Variants in INPP5F observed in about 807,000 individuals in gnomAD.
The protein encoded by INPP5F is inositol polyphosphate-5-phosphatase F.
INPP5F carries 97 observed loss-of-function variants against 137.2 expected under a neutral mutation model. That is an observed-to-expected ratio of 0.71 (90% CI 0.60 to 0.84). The LOEUF (loss-of-function observed/expected upper bound fraction) is 0.84. Ranked by LOEUF, INPP5F falls within the 40% of genes least tolerant of loss-of-function variation. The pLI is 0.00. For missense variants in INPP5F, 1,271 were observed against 1,371.9 expected (o/e 0.93, Z 1.16); for synonymous variants, 504 against 476.9 (o/e 1.06, Z -0.74).
At chr10:119,745,055 C>T (rs1848491401) in intron 1 of INPP5F, among the ~76,000 whole-genome samples, 1 of 151,632 alleles carries the variant, frequency 6.6e-6, no homozygotes, top group Non-Finnish European at 1.5e-5. Flanking sequence ...TTACATGGTT[C>T]ACAATGCCAA....
intron 1 of INPP5F, among the ~76,000 whole-genome samples, chr10:119,747,738 G>GT (rs1318743423): frequency 6.6e-6 from 1 of 152,068 alleles, no homozygotes; most frequent in Non-Finnish European, 1.5e-5. Flanking sequence ...TTATCACAGT[G>GT]TTTTTTATGA....
rs569750708 is a variant in INPP5F at position 119,814,119 on chromosome 10, C to T, written c.1886+2164C>T. ...TAATTAAAGTTCCTAGGGCCGGGCACGGTGGCTCACGCCTGTAATCCCAGC... is the reference window on the plus strand; with the variant it reads ...TAATTAAAGTTCCTAGGGCCGGGCATGGTGGCTCACGCCTGTAATCCCAGC... On this transcript the variant is annotated intron_variant, in intron 15 of 19. Coordinates refer to ENST00000650623, the MANE Select transcript of INPP5F (RefSeq NM_014937.4). Among the ~76,000 whole-genome samples the T allele has an allele frequency of 5.9e-5, 9 of 152,132 alleles. No individual in the cohort carries two copies. In the South Asian group the frequency reaches 8.3e-4, roughly 14 times the overall value.
At chr10:119,754,257 G>A (rs1848770583) in intron 2 of INPP5F, among the ~76,000 whole-genome samples, 2 of 152,218 alleles carry the variant, frequency 1.3e-5, no homozygotes, top group African/African-American at 4.8e-5. Context: ...AGGAGGGTTT[G>A]GACTTGGCAG....
intron 18 of INPP5F, 31 bp downstream of exon 18, chr10:119,823,230 T>A (rs753488175): frequency 6.2e-7 from 1 of 1,603,184 alleles, no homozygotes; most frequent in South Asian, 1.1e-5. Context: ...AAGTATTCAG[T>A]GAAAACTTTC....
At chr10:119,777,341 C>T (rs923716516) in intron 2 of INPP5F, among the ~76,000 whole-genome samples, 4 of 152,072 alleles carry the variant, frequency 2.6e-5, no homozygotes, top group Non-Finnish European at 5.9e-5. Flanking sequence ...AATCCCGTCC[C>T]TACTAAAATA....
intron 17 of INPP5F, 125 bp from the exon 18 acceptor site, chr10:119,822,946 A>C: frequency 3.3e-6 from 3 of 918,100 alleles, no homozygotes; most frequent in Non-Finnish European, 4.8e-6. Flanking sequence ...AATGGTCACC[A>C]GAAGTTTGTA....
chr10:119,782,008 C>T (rs1274803697), intron 3 of INPP5F, among the ~76,000 whole-genome samples: 1 of 152,128 alleles, frequency 6.6e-6, no homozygotes, highest in East Asian at 1.9e-4. Flanking sequence ...TTGGGGGAAT[C>T]CCTGGGGCTC....
intron 2 of INPP5F, among the ~76,000 whole-genome samples, chr10:119,756,846 C>T (rs1292819408): frequency 3.7e-5 from 4 of 109,372 alleles, no homozygotes; most frequent in African/African-American, 7.0e-5. Flanking sequence ...ATTGCCTGCC[C>T]TTTTAGCAAG....
intron 3 of INPP5F, among the ~76,000 whole-genome samples, chr10:119,782,604 T>C (rs2134183154): frequency 6.6e-6 from 1 of 152,196 alleles, no homozygotes; most frequent in East Asian, 1.9e-4. Flanking sequence ...TTGCTTGAGC[T>C]GAGGGGTTCG....
intron 2 of INPP5F, among the ~76,000 whole-genome samples, chr10:119,779,442 C>T (rs191850129): frequency 1.6e-3 from 250 of 151,672 alleles, no homozygotes; most frequent in African/African-American, 5.8e-3. Flanking sequence ...TTTTATGAGA[C>T]GGGATCTTTC....
intron 1 of INPP5F, among the ~76,000 whole-genome samples, chr10:119,737,713 C>G (rs1298084313): frequency 6.6e-6 from 1 of 152,200 alleles, no homozygotes; most frequent in Non-Finnish European, 1.5e-5. Flanking sequence ...CAAATTATTC[C>G]TTACCCAATT....
chr10:119,814,044 T>C (rs1181226529), intron 15 of INPP5F, among the ~76,000 whole-genome samples: 3 of 152,166 alleles, frequency 2.0e-5, no homozygotes, highest in African/African-American at 4.8e-5. Context: ...ACTATAGAAT[T>C]TGACTTCCCG....
In INPP5F at chr10:119,806,412, T is replaced by C; in HGVS notation, c.1372T>C (p.Cys458Arg). ...GCAGGAAGGGATTTTTCGTGTTAAT[T>C]GTATGGACTGCCTGGATCGCACCAA... is the stretch of plus-strand genomic sequence containing the variant. ...CKQEGIFRVNCMDCLDRTNVV... is the reference protein window; with the variant it reads ...CKQEGIFRVNRMDCLDRTNVV... The change falls in exon 12 of 20, where the codon TGT (cysteine) becomes CGT (arginine). Residue 458 changes from cysteine (C) to arginine (R), a missense_variant. Around this residue, in one of 6 missense-constraint regions of INPP5F, gnomAD observed 593 missense variants for 712.4 expected, o/e 0.83. Transcript: ENST00000650623. 1.9e-6 allele frequency: 3 copies of C among 1,608,984 alleles called. No individual in the cohort carries two copies. The highest frequency in any genetic ancestry group is 2.5e-6 in the Non-Finnish European group (3 of 1,177,664).
At chr10:119,799,306 TC>T in intron 9 of INPP5F, 1 of 446,764 alleles carries the variant, frequency 2.2e-6, no homozygotes, top group Non-Finnish European at 4.5e-6. Context: ...CATTTTTTTT[TC>T]AGCAACAAAA....
At chr10:119,757,460 T>TA (rs1393062383) in intron 2 of INPP5F, among the ~76,000 whole-genome samples, 1 of 151,698 alleles carries the variant, frequency 6.6e-6, no homozygotes, top group Non-Finnish European at 1.5e-5. Context: ...AAATCAACAT[T>TA]AAAAAAATTC....
At chr10:119,819,881 C>T (rs905437641) in intron 15 of INPP5F, 4 of 185,036 alleles carry the variant, frequency 2.2e-5, no homozygotes, top group Admixed American at 6.1e-5. Context: ...CTCATTCTTA[C>T]GCAGATTTAA....
chr10:119,773,918 T>C (rs1849437375), intron 2 of INPP5F, among the ~76,000 whole-genome samples: 1 of 152,176 alleles, frequency 6.6e-6, no homozygotes, highest in South Asian at 2.1e-4. Flanking sequence ...CTTTTCAAAA[T>C]CTTTACTGGA....
In INPP5F at chr10:119,771,843, GAGATATATATAT is replaced by G. The variant is rs1357237406; in HGVS notation, c.179-9790_179-9779del. On this transcript the variant is annotated intron_variant, in intron 2 of 19. Transcript: ENST00000650623. Reference sequence around the variant, plus strand: ...TATCATCCATACTCCATAAAGTATGGAGATATATATATATATATATATATATATATATATATA... The same window carrying G: ...TATCATCCATACTCCATAAAGTATGGATATATATATATATATATATATATA... Among the ~76,000 whole-genome samples the G allele has an allele frequency of 2.9e-3, 120 of 40,874 alleles. No homozygotes were observed. The East Asian group carries it at 0.046, about 16-fold the overall frequency. 26.8% of individuals were successfully genotyped at this position (40,874 alleles called of 152,430 possible).
chr10:119,798,423 A>G, intron 8 of INPP5F, 120 bp from the exon 9 acceptor site: 1 of 651,574 alleles, frequency 1.5e-6, no homozygotes, highest in Non-Finnish European at 2.6e-6. Context: ...ATGGTTTTAG[A>G]CAATCTTAGT....
Sources: allele counts gnomAD v4.1 joint callset (sites outside exome capture counted in the v4.1 genomes callset), GRCh38; gene constraint gnomAD v4.1.1; regional missense constraint gnomAD v4.1.1; transcripts MANE v1.5; gene names NCBI Gene and HGNC (gene_info 2026-07-23, HGNC 2026-07-21).